Variants in PIGK observed in about 807,000 individuals in gnomAD.
The protein encoded by PIGK is GPI-anchor transamidase.
PIGK carries 42 observed loss-of-function variants against 50.6 expected under a neutral mutation model. The observed-to-expected ratio is 0.83, with a 90% confidence interval of 0.65 to 1.07. The LOEUF is 1.07. Ranked by LOEUF, PIGK falls within the 50% of genes least tolerant of loss-of-function variation. The pLI, the probability that PIGK is intolerant of heterozygous loss-of-function variation, is 0.00. For synonymous variants in PIGK, 151 were observed against 156.0 expected (o/e 0.97, Z 0.24); for missense variants, 448 against 488.7 (o/e 0.92, Z 0.78).
chr1:77,151,876 G>A (rs899730446), intron 9 of PIGK, among the ~76,000 whole-genome samples: 16 of 152,220 alleles, frequency 1.1e-4, no homozygotes, highest in Admixed American at 9.2e-4. Flanking sequence ...CCATGCTCAT[G>A]GATTGCACGA....
At chr1:77,126,130 G>A (rs921282569) in intron 9 of PIGK, among the ~76,000 whole-genome samples, 1 of 152,078 alleles carries the variant, frequency 6.6e-6, no homozygotes, top group Non-Finnish European at 1.5e-5. Flanking sequence ...GCAATTGCTT[G>A]TTTAATATAG....
chr1:77,218,495 A>T (rs1656637533), intron 1 of PIGK, among the ~76,000 whole-genome samples: 1 of 152,206 alleles, frequency 6.6e-6, no homozygotes, highest in Non-Finnish European at 1.5e-5. Flanking sequence ...TTTCTAGCTT[A>T]GGAGCAGCAC....
At chr1:77,144,441 A>G (rs1348183673) in intron 9 of PIGK, among the ~76,000 whole-genome samples, 1 of 151,944 alleles carries the variant, frequency 6.6e-6, no homozygotes, top group Admixed American at 6.6e-5. Context: ...CAAAAAGTTT[A>G]GGTGCTATGC....
intron 1 of PIGK, among the ~76,000 whole-genome samples, chr1:77,215,027 A>G (rs1656520448): frequency 6.6e-6 from 1 of 152,160 alleles, no homozygotes; most frequent in African/African-American, 2.4e-5. Context: ...GCTTCCATGC[A>G]TTGAATTGGA....
chr1:77,195,853 CA>C (rs577701106), intron 3 of PIGK, among the ~76,000 whole-genome samples: 82 of 151,896 alleles, frequency 5.4e-4, no homozygotes, highest in African/African-American at 1.7e-3. Context: ...ATTTTGCATT[CA>C]GGGGGTACAT....
chr1:77,094,559 G>T (rs1283964048), intron 10 of PIGK, among the ~76,000 whole-genome samples: 1 of 152,110 alleles, frequency 6.6e-6, no homozygotes, highest in African/African-American at 2.4e-5. Context: ...TAATCAAGTA[G>T]TTATAGCACA....
intron 9 of PIGK, chr1:77,129,050 T>A: frequency 1.3e-6 from 1 of 790,966 alleles, no homozygotes; most frequent in Admixed American, 1.7e-5. Flanking sequence ...GCCTATGACC[T>A]ACAAATGCTT....
At chr1:77,131,249 T>C (rs552172208) in intron 9 of PIGK, among the ~76,000 whole-genome samples, 1 of 151,756 alleles carries the variant, frequency 6.6e-6, no homozygotes, top group African/African-American at 2.4e-5. Flanking sequence ...ATATATACTA[T>C]TGATTTCCAT....
intron 10 of PIGK, among the ~76,000 whole-genome samples, chr1:77,095,175 C>T (rs576577581): frequency 6.6e-6 from 1 of 152,164 alleles, no homozygotes; most frequent in African/African-American, 2.4e-5. Context: ...TGAATAGAAT[C>T]CCCTAGTGCA....
At chr1:77,103,704 C>T (rs1226701597) in intron 10 of PIGK, among the ~76,000 whole-genome samples, 1 of 152,136 alleles carries the variant, frequency 6.6e-6, no homozygotes, top group Non-Finnish European at 1.5e-5. Context: ...AATTAGAATT[C>T]AGGGAGGTTT....
intron 3 of PIGK, among the ~76,000 whole-genome samples, chr1:77,199,358 A>T (rs757036744): frequency 1.9e-4 from 29 of 152,068 alleles, no homozygotes; most frequent in Non-Finnish European, 3.4e-4. Flanking sequence ...TTCAAACACT[A>T]TTATTTATAT....
chr1:77,131,952 G>T (rs1654380519), intron 9 of PIGK, among the ~76,000 whole-genome samples: 1 of 151,954 alleles, frequency 6.6e-6, no homozygotes, highest in Admixed American at 6.5e-5. Flanking sequence ...ACCTCAAGTG[G>T]TTAATAAATG....
chr1:77,161,016 G>A (rs1655115902), intron 8 of PIGK, among the ~76,000 whole-genome samples: 1 of 152,094 alleles, frequency 6.6e-6, no homozygotes, highest in Non-Finnish European at 1.5e-5. Context: ...ACAATCTGAG[G>A]TGGCCCCTGA....
intron 10 of PIGK, among the ~76,000 whole-genome samples, chr1:77,097,353 G>A (rs1653439861): frequency 6.6e-6 from 1 of 152,036 alleles, no homozygotes; most frequent in African/African-American, 2.4e-5. Flanking sequence ...TTCCCTTTAG[G>A]CATCTTCCAA....
intron 3 of PIGK, among the ~76,000 whole-genome samples, chr1:77,175,132 A>G (rs1315165432): frequency 6.6e-6 from 1 of 152,218 alleles, no homozygotes; most frequent in Non-Finnish European, 1.5e-5. Flanking sequence ...GTTCTTAATC[A>G]GGCAGGTCAG....
intron 8 of PIGK, among the ~76,000 whole-genome samples, chr1:77,155,713 T>A (rs1654992217): frequency 6.6e-6 from 1 of 151,944 alleles, no homozygotes. Flanking sequence ...GGCTGAAGCA[T>A]GAGAGATATG....
chr1:77,091,339 C>T lies in PIGK; in HGVS notation c.*1035G>A, dbSNP rs1350319199. The T allele has an allele frequency of 6.6e-6, 1 of 152,112 alleles. No homozygotes were observed. Among genetic ancestry groups the T allele is most frequent in the Non-Finnish European group, 1.5e-5 (1 of 68,010 alleles). 9.4% of individuals were successfully genotyped at this position (152,112 alleles called of 1,614,324 possible). Reference sequence around the variant, plus strand: ...CAGAGACTAGAAAAGGGGCTTACTGCCTTATAGGATACATCAGCCAGACAT... The same window carrying T: ...CAGAGACTAGAAAAGGGGCTTACTGTCTTATAGGATACATCAGCCAGACAT... On this transcript the variant is annotated 3_prime_UTR_variant, in exon 11 of 11. Transcript: ENST00000370812.
At chr1:77,157,595 T>C (rs1292470262) in intron 8 of PIGK, among the ~76,000 whole-genome samples, 1 of 152,162 alleles carries the variant, frequency 6.6e-6, no homozygotes, top group Non-Finnish European at 1.5e-5. Flanking sequence ...TGACTATAAT[T>C]TTTTTACAGT....
intron 9 of PIGK, among the ~76,000 whole-genome samples, chr1:77,136,330 C>A (rs1654513247): frequency 6.6e-6 from 1 of 151,824 alleles, no homozygotes; most frequent in African/African-American, 2.4e-5. Flanking sequence ...GAGATCGAGA[C>A]CATCCCGGCT....
Sources: allele counts gnomAD v4.1 joint callset (sites outside exome capture counted in the v4.1 genomes callset), GRCh38; gene constraint gnomAD v4.1.1; transcripts MANE v1.5; gene names NCBI Gene and HGNC (gene_info 2026-07-23, HGNC 2026-07-21).